The following NOL4 variants were observed in gnomAD, a reference collection of about 807,000 sequenced individuals.
NOL4 encodes the protein cancer/testis antigen 125.
Under a neutral mutation model 75.9 loss-of-function variants are expected in NOL4, and 17 were observed. The ratio of observed to expected loss-of-function variants is 0.22; its 90% CI spans 0.15 to 0.34. The LOEUF is 0.34. Among genes scored for constraint, NOL4 ranks in the 10% least tolerant of loss-of-function variants. NOL4 has a pLI of 1.00. For missense variants in NOL4, 614 were observed against 793.5 expected (o/e 0.77, Z 2.72); for synonymous variants, 292 against 289.9 (o/e 1.01, Z -0.07).
intron 1 of NOL4, among the ~76,000 whole-genome samples, chr18:34,161,151 A>G (rs2031410655): frequency 6.6e-6 from 1 of 152,178 alleles, no homozygotes; most frequent in Non-Finnish European, 1.5e-5. Context: ...ACAGGACTTC[A>G]TTCTTTTTTA....
intron 1 of NOL4, among the ~76,000 whole-genome samples, chr18:34,194,837 C>T (rs956302384): frequency 2.0e-5 from 3 of 151,822 alleles, no homozygotes; most frequent in Non-Finnish European, 2.9e-5. Context: ...CCAGTCTGAC[C>T]AACATGGATA....
chr18:34,059,008 T>C (rs1169377115), intron 5 of NOL4, among the ~76,000 whole-genome samples: 1 of 151,494 alleles, frequency 6.6e-6, no homozygotes, highest in Non-Finnish European at 1.5e-5. Flanking sequence ...CATTGTAAAA[T>C]GCAAATCTTA....
chr18:34,095,286 T>A (rs1181094568), intron 4 of NOL4, among the ~76,000 whole-genome samples: 1 of 151,686 alleles, frequency 6.6e-6, no homozygotes, highest in East Asian at 1.9e-4. Context: ...TGTGTGTGTA[T>A]GCAAAAATAA....
At chr18:34,118,914 C>T (rs1041523929) in intron 2 of NOL4, among the ~76,000 whole-genome samples, 2 of 152,154 alleles carry the variant, frequency 1.3e-5, no homozygotes, top group African/African-American at 4.8e-5. Context: ...TTTTCAACTA[C>T]ATATTTATTT....
At chr18:33,951,347 G>C (rs1013489798) in intron 8 of NOL4, among the ~76,000 whole-genome samples, 1 of 152,052 alleles carries the variant, frequency 6.6e-6, no homozygotes, top group Non-Finnish European at 1.5e-5. Flanking sequence ...TGAAGAAATT[G>C]TTCAGGCTGG....
chr18:34,183,342 T>A (rs2034195453), intron 1 of NOL4, among the ~76,000 whole-genome samples: 1 of 151,836 alleles, frequency 6.6e-6, no homozygotes, highest in African/African-American at 2.4e-5. Flanking sequence ...AACTTCAAGA[T>A]ATCACTATAC....
At chr18:34,180,888 A>G (rs1284665176) in intron 1 of NOL4, among the ~76,000 whole-genome samples, 3 of 151,556 alleles carry the variant, frequency 2.0e-5, no homozygotes, top group Non-Finnish European at 4.4e-5. Context: ...TGACTTGTAC[A>G]CTGTAAACTT....
intron 1 of NOL4, among the ~76,000 whole-genome samples, chr18:34,171,779 C>G (rs1029007645): frequency 1.3e-5 from 2 of 152,126 alleles, no homozygotes; most frequent in African/African-American, 4.8e-5. Flanking sequence ...TGAGTCTGAG[C>G]CACATATTCT....
intron 1 of NOL4, among the ~76,000 whole-genome samples, chr18:34,201,147 G>T (rs910639304): frequency 6.6e-6 from 1 of 151,602 alleles, no homozygotes; most frequent in African/African-American, 2.4e-5. Context: ...AGGGGAAAAT[G>T]ATATTCTGTT....
At chr18:33,991,174 C>G (rs914000695) in intron 6 of NOL4, among the ~76,000 whole-genome samples, 2 of 151,976 alleles carry the variant, frequency 1.3e-5, no homozygotes, top group African/African-American at 4.8e-5. Context: ...CCCTCCACCT[C>G]TAGCTGACTC....
chr18:34,161,868 A>G (rs1248081692), intron 1 of NOL4, among the ~76,000 whole-genome samples: 2 of 152,162 alleles, frequency 1.3e-5, no homozygotes, highest in East Asian at 1.9e-4. Context: ...TCAACTTTAT[A>G]AGGTAGTCAT....
At chr18:34,202,606 G>A (rs1268407790) in intron 1 of NOL4, among the ~76,000 whole-genome samples, 1 of 151,890 alleles carries the variant, frequency 6.6e-6, no homozygotes, top group Non-Finnish European at 1.5e-5. Context: ...TATTGATGGT[G>A]GAGATGACTA....
chr18:34,115,688 A>T (rs915226994), intron 2 of NOL4, among the ~76,000 whole-genome samples: 79 of 151,806 alleles, frequency 5.2e-4, no homozygotes, highest in Non-Finnish European at 1.8e-4. Context: ...GCTTATAAAA[A>T]CCCTTGCATT....
chr18:33,875,550 C>A (rs1004953109), intron 10 of NOL4, among the ~76,000 whole-genome samples: 1 of 151,968 alleles, frequency 6.6e-6, no homozygotes, highest in Non-Finnish European at 1.5e-5. Context: ...TTATAAAACT[C>A]TAAAACTACT....
intron 1 of NOL4, among the ~76,000 whole-genome samples, chr18:34,220,510 C>A (rs964548567): frequency 6.6e-6 from 1 of 152,082 alleles, no homozygotes. Context: ...TTTTTGTCTT[C>A]TTGGTGACTG....
chr18:33,984,203 T>C (rs567955095), intron 6 of NOL4, among the ~76,000 whole-genome samples: 2 of 152,238 alleles, frequency 1.3e-5, no homozygotes, highest in South Asian at 2.1e-4. Flanking sequence ...AATACATTCA[T>C]AGTACACAAC....
intron 9 of NOL4, among the ~76,000 whole-genome samples, chr18:33,935,768 G>A (rs1263714208): frequency 6.6e-6 from 1 of 152,108 alleles, no homozygotes; most frequent in South Asian, 2.1e-4. Context: ...AATGAGGAAT[G>A]CTTGTGCTTC....
At chr18:34,059,552 A>C (rs1247400468) in intron 5 of NOL4, among the ~76,000 whole-genome samples, 2 of 152,100 alleles carry the variant, frequency 1.3e-5, no homozygotes, top group African/African-American at 4.8e-5. Flanking sequence ...TACCTTGTGT[A>C]TATTGTAAAC....
rs1210587078 is a variant in NOL4, at chr18:34,019,466, G to A, written c.908C>T (p.Pro303Leu). The A allele has an allele frequency of 2.5e-6, 4 of 1,613,846 alleles. No individual in the cohort carries two copies. The Admixed American group carries it at 5.0e-5, about 20-fold the overall frequency. Residue 303 changes from proline (P) to leucine (L), a missense_variant, in exon 6 of 11, where the codon CCA becomes CTA. Transcript: ENST00000261592. ...GKTGLEQDEQ[P>L]LNLSDSPLSA... ...GAGGGGACTGTCACTCAGGTTCAGT[G>A]GCTGTTCATCTTGCTCCAGCCCAGT...
Sources: gnomAD v4.1 joint callset for allele counts (sites outside exome capture counted in the v4.1 genomes callset) on GRCh38, gnomAD v4.1.1 for gene constraint, MANE v1.5 for transcripts, NCBI Gene and HGNC (gene_info 2026-07-23, HGNC 2026-07-21) for gene names.